GBE1: variants seen among roughly 807,000 people sequenced by gnomAD.
GBE1 encodes 1,4-alpha-glucan-branching enzyme.
GBE1 carries 70 observed loss-of-function variants against 88.8 expected under a neutral mutation model. That is an observed-to-expected ratio of 0.79 (90% CI 0.65 to 0.96). The LOEUF is 0.96. Ranked by LOEUF, GBE1 falls within the 40% of genes least tolerant of loss-of-function variation. The pLI is 0.00. For missense variants in GBE1, 872 were observed against 871.0 expected (o/e 1.00, Z -0.01); for synonymous variants, 284 against 300.1 (o/e 0.95, Z 0.56).
At chr3:81,743,862 A>C (rs1317224970) in intron 1 of GBE1, among the ~76,000 whole-genome samples, 9 of 152,330 alleles carry the variant, frequency 5.9e-5, no homozygotes, top group African/African-American at 1.9e-4. Context: ...AACTTAGGGC[A>C]AACATGACCA....
At chr3:81,526,559 A>T (rs1480887758) in intron 14 of GBE1, among the ~76,000 whole-genome samples, 3 of 152,130 alleles carry the variant, frequency 2.0e-5, no homozygotes. Context: ...AATCACAAGC[A>T]TTCTTATACA....
At chr3:81,722,998 A>G (rs567048483) in intron 1 of GBE1, among the ~76,000 whole-genome samples, 43 of 150,772 alleles carry the variant, frequency 2.9e-4, no homozygotes, top group Non-Finnish European at 5.5e-4. Flanking sequence ...AATCTCTAAT[A>G]CCTAATCAGA....
chr3:81,604,184 T>G (rs1042422605), intron 7 of GBE1, among the ~76,000 whole-genome samples: 2 of 152,152 alleles, frequency 1.3e-5, no homozygotes, highest in Admixed American at 6.5e-5. Flanking sequence ...CTTGTGCCTT[T>G]TCTTTATATT....
intron 1 of GBE1, among the ~76,000 whole-genome samples, chr3:81,744,923 C>T (rs894040874): frequency 6.6e-6 from 1 of 152,170 alleles, no homozygotes; most frequent in Admixed American, 6.5e-5. Flanking sequence ...ATTTTGAGAA[C>T]TTAAAGCAAT....
At chr3:81,745,681 G>T (rs546233280) in intron 1 of GBE1, among the ~76,000 whole-genome samples, 2 of 152,066 alleles carry the variant, frequency 1.3e-5, no homozygotes, top group African/African-American at 4.8e-5. Flanking sequence ...CAAATGACAG[G>T]TAAAATATCT....
chr3:81,588,362 AC>A (rs1471907724), intron 9 of GBE1, among the ~76,000 whole-genome samples: 1 of 152,154 alleles, frequency 6.6e-6, no homozygotes, highest in African/African-American at 2.4e-5. Flanking sequence ...AATTACAGAC[AC>A]AATGCCTTCT....
intron 12 of GBE1, among the ~76,000 whole-genome samples, chr3:81,561,330 T>TAA (rs1703413815): frequency 6.6e-6 from 1 of 152,090 alleles, no homozygotes; most frequent in Non-Finnish European, 1.5e-5. Context: ...TTTGATTACC[T>TAA]AAAATATGAA....
intron 7 of GBE1, among the ~76,000 whole-genome samples, chr3:81,619,457 T>C (rs1439470746): frequency 6.6e-6 from 1 of 152,166 alleles, no homozygotes; most frequent in African/African-American, 2.4e-5. Context: ...CATGCTAATT[T>C]TTTAAAACTG....
At chr3:81,545,449 T>C (rs370289725) in intron 12 of GBE1, among the ~76,000 whole-genome samples, 2 of 152,048 alleles carry the variant, frequency 1.3e-5, no homozygotes, top group Non-Finnish European at 2.9e-5. Context: ...AAGCAAAATA[T>C]AGTGATCAGA....
intron 1 of GBE1, among the ~76,000 whole-genome samples, chr3:81,750,475 G>C (rs1458856511): frequency 7.1e-6 from 1 of 141,038 alleles, no homozygotes; most frequent in Non-Finnish European, 1.5e-5. Flanking sequence ...CCCAAGATAA[G>C]ATGAAAAAAT....
rs561324142 is a variant in GBE1, at chr3:81,759,324, C to G, written c.143+2051G>C. 7.9e-5 allele frequency among the ~76,000 whole-genome samples: 12 copies of G among 152,300 alleles called. No homozygotes were observed. The South Asian group carries it at 2.5e-3, about 32-fold the overall frequency. On this transcript the variant is annotated intron_variant, in intron 1 of 15. Coordinates refer to ENST00000429644, the MANE Select transcript of GBE1 (RefSeq NM_000158.4). ...CAAAGAGAAATTTCCTTCTTCATCA[C>G]CTTAATTATATACTGTTGTTTGTAC...
chr3:81,612,705 T>A, intron 7 of GBE1: 1 of 506,728 alleles, frequency 2.0e-6, no homozygotes, highest in East Asian at 5.1e-5. Context: ...ATCACTGTGT[T>A]CAATTGCTTC....
At chr3:81,681,191 T>A (rs1298835516) in intron 2 of GBE1, among the ~76,000 whole-genome samples, 2 of 152,222 alleles carry the variant, frequency 1.3e-5, no homozygotes, top group Non-Finnish European at 2.9e-5. Flanking sequence ...CCATATGGTC[T>A]ATAACCAGAA....
At position 81,528,147 on chromosome 3, in the gene GBE1, C is replaced by T. The variant is rs191186141; in HGVS notation, c.1934+7048G>A. Among the ~76,000 whole-genome samples, 275 of 147,618 alleles carry T rather than the reference C, an allele frequency of 1.9e-3. 2 individuals are homozygous for T. Among genetic ancestry groups the T allele is most frequent in the Admixed American group, 6.6e-3 (93 of 14,174 alleles). ...AAACCAAACACTGCATGTTCTCACT[C>T]ACAGGTGGGAATTGAACAATGAGAA... is the stretch of plus-strand genomic sequence containing the variant. On this transcript the variant is annotated intron_variant, in intron 14 of 15. Coordinates refer to ENST00000429644, the MANE Select transcript of GBE1 (RefSeq NM_000158.4).
intron 7 of GBE1, among the ~76,000 whole-genome samples, chr3:81,628,918 A>G (rs1223316291): frequency 1.3e-5 from 2 of 149,710 alleles, no homozygotes; most frequent in African/African-American, 2.4e-5. Flanking sequence ...CAAAATAATT[A>G]CTTACATGTG....
intron 14 of GBE1, among the ~76,000 whole-genome samples, chr3:81,504,425 A>G (rs923364998): frequency 1.3e-5 from 2 of 152,142 alleles, no homozygotes; most frequent in Non-Finnish European, 2.9e-5. Flanking sequence ...TTTATTAGTA[A>G]ATACAAAACA....
intron 12 of GBE1, among the ~76,000 whole-genome samples, chr3:81,543,850 T>G (rs1703171376): frequency 6.6e-6 from 1 of 152,140 alleles, no homozygotes; most frequent in Non-Finnish European, 1.5e-5. Flanking sequence ...TGAATCAGCA[T>G]TTGAATTTAA....
chr3:81,491,410 A>G (rs998888381), intron 15 of GBE1, among the ~76,000 whole-genome samples: 7 of 152,212 alleles, frequency 4.6e-5, no homozygotes, highest in African/African-American at 1.7e-4. Context: ...GTGCCACTGA[A>G]CAAGGTAGAT....
At chr3:81,498,907 A>C (rs576725193) in intron 15 of GBE1, among the ~76,000 whole-genome samples, 1 of 152,198 alleles carries the variant, frequency 6.6e-6, no homozygotes, top group South Asian at 2.1e-4. Context: ...TTGTCCCCTA[A>C]ATATCCTTTA....
Sources: allele counts gnomAD v4.1 joint callset (sites outside exome capture counted in the v4.1 genomes callset), GRCh38; gene constraint gnomAD v4.1.1; transcripts MANE v1.5; gene names NCBI Gene and HGNC (gene_info 2026-07-23, HGNC 2026-07-21).